The following DENND5A variants were observed in gnomAD, a reference collection of about 807,000 sequenced individuals.
DENND5A encodes the protein DENN domain-containing protein 5A.
In DENND5A, 64 loss-of-function variants were observed where a neutral mutation model predicts 140.3. That is an observed-to-expected ratio of 0.46 (90% CI 0.37 to 0.56). The LOEUF (loss-of-function observed/expected upper bound fraction) is 0.56. DENND5A is among the 20% of genes least tolerant of loss of function. The pLI is 0.00. For synonymous variants in DENND5A, 605 were observed against 607.7 expected (o/e 1.00, Z 0.07); for missense variants, 1,292 against 1,593.8 (o/e 0.81, Z 3.22).
At chr11:9,241,130 GA>G (rs1217017765) in intron 1 of DENND5A, among the ~76,000 whole-genome samples, 2 of 152,156 alleles carry the variant, frequency 1.3e-5, no homozygotes, top group African/African-American at 2.4e-5. Flanking sequence ...GCCATAATTT[GA>G]AACCAGAACT....
At chr11:9,233,586 A>C (rs577547719) in intron 1 of DENND5A, among the ~76,000 whole-genome samples, 1 of 152,162 alleles carries the variant, frequency 6.6e-6, no homozygotes, top group Non-Finnish European at 1.5e-5. Context: ...GGAGTAGTTG[A>C]GTGTACCCAA....
chr11:9,251,243 C>G (rs73404303), intron 1 of DENND5A, among the ~76,000 whole-genome samples: 3,351 of 150,848 alleles, frequency 0.022, 116 homozygotes, highest in African/African-American at 0.073. Flanking sequence ...CTGCTCAGAC[C>G]TCTCAGCATT....
intron 1 of DENND5A, among the ~76,000 whole-genome samples, chr11:9,234,184 A>C (rs900065469): frequency 5.3e-5 from 8 of 151,882 alleles, no homozygotes; most frequent in African/African-American, 1.9e-4. Flanking sequence ...GTCTCAAAAA[A>C]AAAAAAAAAG....
chr11:9,213,493 C>T (rs1849959801), intron 1 of DENND5A, among the ~76,000 whole-genome samples: 1 of 150,836 alleles, frequency 6.6e-6, no homozygotes, highest in Admixed American at 6.6e-5. Context: ...AGGCTGCAGG[C>T]AATATATTTC....
At chr11:9,172,648 G>A (rs1848409174) in intron 8 of DENND5A, among the ~76,000 whole-genome samples, 1 of 152,140 alleles carries the variant, frequency 6.6e-6, no homozygotes, top group African/African-American at 2.4e-5. Context: ...GTGCTGTGAA[G>A]AGGTGCCTTC....
In DENND5A at chr11:9,201,449, G is replaced by C. The variant is rs77276416; in HGVS notation, c.949+2211C>G. Among the ~76,000 whole-genome samples the C allele has an allele frequency of 5.2e-3, 790 of 151,760 alleles. 8 individuals are homozygous for C. The highest frequency in any genetic ancestry group is 0.018 in the African/African-American group (753 of 41,358). ...CCCAGCACTTTGGGAAACCAGGCAGGAGGTTCAGCCCAGGAGTTTGAGACC... is the reference window on the plus strand; with the variant it reads ...CCCAGCACTTTGGGAAACCAGGCAGCAGGTTCAGCCCAGGAGTTTGAGACC... On this transcript the variant is annotated intron_variant, in intron 4 of 22. Coordinates refer to ENST00000328194, the MANE Select transcript of DENND5A (RefSeq NM_015213.4).
At chr11:9,257,771 C>G (rs1315475774) in intron 1 of DENND5A, among the ~76,000 whole-genome samples, 2 of 150,400 alleles carry the variant, frequency 1.3e-5, no homozygotes, top group Admixed American at 1.3e-4. Flanking sequence ...CGTGAGCCAC[C>G]GCGCCCAGCC....
intron 5 of DENND5A, among the ~76,000 whole-genome samples, chr11:9,189,629 T>TTC (rs1849042466): frequency 6.6e-6 from 1 of 151,554 alleles, no homozygotes. Context: ...TTTTTTTTTT[T>TTC]TGGTTTTTTT....
At chr11:9,236,629 C>G (rs1277053067) in intron 1 of DENND5A, among the ~76,000 whole-genome samples, 3 of 151,986 alleles carry the variant, frequency 2.0e-5, no homozygotes, top group Non-Finnish European at 2.9e-5. Context: ...ACCCTGTAAT[C>G]TCAGCTACTC....
intron 1 of DENND5A, among the ~76,000 whole-genome samples, chr11:9,235,036 G>C (rs781245667): frequency 6.6e-6 from 1 of 152,128 alleles, no homozygotes; most frequent in Non-Finnish European, 1.5e-5. Context: ...CATTGCTAGT[G>C]AGAATGTAAA....
In DENND5A at chr11:9,217,462, C is replaced by T. The variant is rs1411639579; in HGVS notation, c.110-9830G>A. 2.7e-5 allele frequency among the ~76,000 whole-genome samples: 4 copies of T among 150,632 alleles called. No homozygotes were observed. In the South Asian group the frequency reaches 8.5e-4, roughly 32 times the overall value. ...CCAGGAGGCAGAGGGTGCAGTGAGC[C>T]GAGATCTCACCACTGCACTCCAGCC... is the stretch of plus-strand genomic sequence containing the variant. On this transcript the variant is annotated intron_variant, in intron 1 of 22. Coordinates refer to ENST00000328194, the MANE Select transcript of DENND5A (RefSeq NM_015213.4).
chr11:9,224,856 CAAAAAAAAA>C (rs1003433174), intron 1 of DENND5A, among the ~76,000 whole-genome samples: 6,466 of 93,996 alleles, frequency 0.069, 200 homozygotes, highest in South Asian at 0.13. Flanking sequence ...AGACTCCATC[CAAAAAAAAA>C]AAAAAAAAAA....
In DENND5A at chr11:9,215,271, AC is replaced by A. The variant is rs550066149; in HGVS notation, c.110-7640del. 4.8e-4 allele frequency among the ~76,000 whole-genome samples: 73 copies of A among 152,336 alleles called. 1 individual carries two copies. Among genetic ancestry groups the A allele is most frequent in the Middle Eastern group, 3.4e-3 (1 of 294 alleles). On this transcript the variant is annotated intron_variant, in intron 1 of 22. Transcript: ENST00000328194. Reference sequence around the variant, plus strand: ...GCACCACACATGATCCAACTCATGTACCTAGTATTTCTAAAATGGCTGAACT... The same window carrying A: ...GCACCACACATGATCCAACTCATGTACTAGTATTTCTAAAATGGCTGAACT...
At chr11:9,262,905 C>A (rs1484312967) in intron 1 of DENND5A, among the ~76,000 whole-genome samples, 1 of 152,070 alleles carries the variant, frequency 6.6e-6, no homozygotes, top group Non-Finnish European at 1.5e-5. Context: ...CCACGCCCGG[C>A]TAATTTTTTG....
chr11:9,229,327 G>A (rs1386584045), intron 1 of DENND5A, among the ~76,000 whole-genome samples: 3 of 152,022 alleles, frequency 2.0e-5, no homozygotes, highest in Non-Finnish European at 4.4e-5. Context: ...GGTGTCAGAG[G>A]TGTAATGCAT....
At chr11:9,252,115 T>C (rs979827106) in intron 1 of DENND5A, among the ~76,000 whole-genome samples, 2 of 148,144 alleles carry the variant, frequency 1.4e-5, no homozygotes, top group African/African-American at 2.5e-5. Flanking sequence ...CTGGCTAACA[T>C]GGTGAAACCG....
intron 1 of DENND5A, among the ~76,000 whole-genome samples, chr11:9,225,859 T>C (rs1850509627): frequency 6.6e-6 from 1 of 152,080 alleles, no homozygotes; most frequent in African/African-American, 2.4e-5. Context: ...CCAAGTTGAG[T>C]GGATTGCTTG....
At chr11:9,223,321 C>A (rs747767796) in intron 1 of DENND5A, among the ~76,000 whole-genome samples, 2 of 151,582 alleles carry the variant, frequency 1.3e-5, no homozygotes, top group Non-Finnish European at 1.5e-5. Context: ...CCAAGGCAGG[C>A]GGAGGTCAGG....
intron 1 of DENND5A, among the ~76,000 whole-genome samples, chr11:9,209,834 G>A (rs1036205246): frequency 3.3e-5 from 5 of 152,064 alleles, no homozygotes; most frequent in African/African-American, 4.8e-5. Flanking sequence ...GGCTGGGCAC[G>A]GTGGCTCATA....
Sources: allele counts gnomAD v4.1 joint callset (sites outside exome capture counted in the v4.1 genomes callset), GRCh38; gene constraint gnomAD v4.1.1; transcripts MANE v1.5; gene names NCBI Gene and HGNC (gene_info 2026-07-23, HGNC 2026-07-21).